Variants in FRMD5 observed in about 807,000 individuals in gnomAD.
FRMD5 encodes FERM domain-containing protein 5.
In FRMD5, 20 loss-of-function variants were observed where a neutral mutation model predicts 69.0. That is an observed-to-expected ratio of 0.29 (90% CI 0.20 to 0.42). FRMD5 has a LOEUF of 0.42. Ranked by LOEUF, FRMD5 falls within the 10% of genes least tolerant of loss-of-function variation. The probability of loss-of-function intolerance (pLI) is 1.00; values close to 1 mark genes in which losing one functional copy is unlikely to be tolerated. For missense variants in FRMD5, 595 were observed against 708.6 expected (o/e 0.84, Z 1.82); for synonymous variants, 271 against 260.1 (o/e 1.04, Z -0.40).
chr15:44,181,631 G>A (rs1214983639), intron 1 of FRMD5, among the ~76,000 whole-genome samples: 1 of 152,184 alleles, frequency 6.6e-6, no homozygotes, highest in South Asian at 2.1e-4. Context: ...GCTGGGCACG[G>A]TGGCTCACAC....
intron 1 of FRMD5, among the ~76,000 whole-genome samples, chr15:43,951,896 C>T (rs1320399512): frequency 6.6e-6 from 1 of 151,988 alleles, no homozygotes; most frequent in Non-Finnish European, 1.5e-5. Flanking sequence ...GCCTCTCTTA[C>T]ATCTTGGGTG....
intron 1 of FRMD5, among the ~76,000 whole-genome samples, chr15:44,177,473 A>G (rs1341473458): frequency 6.6e-6 from 1 of 152,234 alleles, no homozygotes; most frequent in Non-Finnish European, 1.5e-5. Flanking sequence ...ACCACGTTGT[A>G]TGATACCATT....
chr15:44,037,301 T>G (rs1055069062), intron 1 of FRMD5, among the ~76,000 whole-genome samples: 2 of 152,162 alleles, frequency 1.3e-5, no homozygotes, highest in Non-Finnish European at 2.9e-5. Context: ...TCCATATCCC[T>G]GCAAAGGACA....
intron 6 of FRMD5, among the ~76,000 whole-genome samples, chr15:43,902,749 CAG>C (rs1260872611): frequency 6.6e-6 from 1 of 150,678 alleles, no homozygotes; most frequent in Non-Finnish European, 1.5e-5. Flanking sequence ...AAAGAAAAGT[CAG>C]AGATACTGAT....
At chr15:43,939,532 G>T (rs1259450926) in intron 1 of FRMD5, among the ~76,000 whole-genome samples, 1 of 151,904 alleles carries the variant, frequency 6.6e-6, no homozygotes, top group Non-Finnish European at 1.5e-5. Context: ...TCTCTGGGGT[G>T]CTCTTTTTTA....
chr15:44,008,089 A>ATTTTTTTT (rs35785368), intron 1 of FRMD5, among the ~76,000 whole-genome samples: 3 of 62,806 alleles, frequency 4.8e-5, no homozygotes, highest in Non-Finnish European at 9.5e-5. Flanking sequence ...ACAATCGGCA[A>ATTTTTTTT]TTTTTTTTTT....
At chr15:43,906,866 G>A (rs2089188289) in intron 5 of FRMD5, among the ~76,000 whole-genome samples, 1 of 152,010 alleles carries the variant, frequency 6.6e-6, no homozygotes, top group Non-Finnish European at 1.5e-5. Context: ...CTCCCAAAGT[G>A]CTGGGATTAC....
chr15:44,028,155 G>A (rs1194192061), intron 1 of FRMD5, among the ~76,000 whole-genome samples: 1 of 152,142 alleles, frequency 6.6e-6, no homozygotes, highest in Non-Finnish European at 1.5e-5. Context: ...GAAAACAGTA[G>A]TTTATAAGCG....
chr15:43,939,841 G>A (rs2089831296), intron 1 of FRMD5, among the ~76,000 whole-genome samples: 1 of 152,124 alleles, frequency 6.6e-6, no homozygotes, highest in Non-Finnish European at 1.5e-5. Context: ...GATTACAGGT[G>A]TGAGCCACTG....
intron 1 of FRMD5, among the ~76,000 whole-genome samples, chr15:44,145,814 A>C (rs754948656): frequency 2.0e-5 from 3 of 152,204 alleles, no homozygotes; most frequent in Non-Finnish European, 4.4e-5. Context: ...AGTGGGCATT[A>C]TTCGGCCACT....
intron 13 of FRMD5, among the ~76,000 whole-genome samples, chr15:43,882,332 AAGATATGC>A (rs1257256192): frequency 6.6e-6 from 1 of 152,122 alleles, no homozygotes; most frequent in Non-Finnish European, 1.5e-5. Context: ...AGACAGTGGT[AAGATATGC>A]AGATAGCAAC....
chr15:44,191,987 C>T (rs2078205167), intron 1 of FRMD5, among the ~76,000 whole-genome samples: 1 of 143,002 alleles, frequency 7.0e-6, no homozygotes, highest in African/African-American at 2.6e-5. Context: ...GATGAGTAGA[C>T]CAGATCTGCA....
chr15:43,887,545 T>G (rs113786126), intron 10 of FRMD5, among the ~76,000 whole-genome samples: 2 of 152,196 alleles, frequency 1.3e-5, no homozygotes, highest in African/African-American at 4.8e-5. Flanking sequence ...ATTAAGTAAT[T>G]CAGAATGCCT....
intron 1 of FRMD5, among the ~76,000 whole-genome samples, chr15:43,949,202 C>T (rs1426760382): frequency 1.3e-5 from 2 of 152,168 alleles, no homozygotes; most frequent in African/African-American, 4.8e-5. Context: ...GGGAAAGGCC[C>T]TGCAAAGCCC....
At chr15:43,979,434 C>T (rs188437075) in intron 1 of FRMD5, among the ~76,000 whole-genome samples, 2 of 152,122 alleles carry the variant, frequency 1.3e-5, no homozygotes, top group African/African-American at 4.8e-5. Flanking sequence ...CATGGTTATT[C>T]AGATGCAAGG....
chr15:43,960,153 A>T (rs1408549860), intron 1 of FRMD5, among the ~76,000 whole-genome samples: 1 of 152,156 alleles, frequency 6.6e-6, no homozygotes, highest in Non-Finnish European at 1.5e-5. Context: ...CAGTGGCACA[A>T]TCTCGGCTCA....
intron 1 of FRMD5, among the ~76,000 whole-genome samples, chr15:44,066,961 A>T (rs1418134493): frequency 6.6e-6 from 1 of 152,142 alleles, no homozygotes; most frequent in Admixed American, 6.6e-5. Flanking sequence ...GAAAAGAAAG[A>T]TTAGTAGAGA....
At chr15:43,998,802 T>C (rs530352222) in intron 1 of FRMD5, among the ~76,000 whole-genome samples, 1 of 152,206 alleles carries the variant, frequency 6.6e-6, no homozygotes, top group Non-Finnish European at 1.5e-5. Flanking sequence ...CAGTATGATT[T>C]GAATGAAAGA....
chr15:43,960,666 G>A (rs2090184453), intron 1 of FRMD5, among the ~76,000 whole-genome samples: 2 of 152,342 alleles, frequency 1.3e-5, no homozygotes, highest in South Asian at 4.1e-4. Context: ...TTACAGGCGT[G>A]AGCCACCGTG....
Sources: allele counts gnomAD v4.1 joint callset (sites outside exome capture counted in the v4.1 genomes callset), GRCh38; gene constraint gnomAD v4.1.1; transcripts MANE v1.5; gene names NCBI Gene and HGNC (gene_info 2026-07-23, HGNC 2026-07-21).